TAS2R1: variants seen among roughly 807,000 people sequenced by gnomAD.
TAS2R1 encodes the protein taste receptor type 2 member 1.
For missense variants in TAS2R1, 370 were observed against 353.4 expected (o/e 1.05, Z -0.38); for synonymous variants, 141 against 134.2 (o/e 1.05, Z -0.35).
At chr5:9,885,524 T>C in the TAS2R1 span, among the ~76,000 whole-genome samples, 1 of 152,218 alleles carries the variant, frequency 6.6e-6, no homozygotes, top group South Asian at 2.1e-4. Flanking sequence ...ATCAAACATT[T>C]TTCAGTTATG....
chr5:9,758,727 C>T, the TAS2R1 span, among the ~76,000 whole-genome samples: 1 of 152,144 alleles, frequency 6.6e-6, no homozygotes. Context: ...CTTCTACAGC[C>T]ACTTGGAACT....
chr5:9,868,673 T>C, the TAS2R1 span, among the ~76,000 whole-genome samples: 1 of 152,234 alleles, frequency 6.6e-6, no homozygotes, highest in African/African-American at 2.4e-5. Context: ...TTTATGCAAA[T>C]TTTTGCAGGT....
At chr5:9,740,918 T>G in the TAS2R1 span, among the ~76,000 whole-genome samples, 1 of 152,224 alleles carries the variant, frequency 6.6e-6, no homozygotes, top group South Asian at 2.1e-4. Context: ...ATCTGAGTAA[T>G]TAGTTCTTTT....
intron 1 of TAS2R1, among the ~76,000 whole-genome samples, chr5:9,696,874 GT>G (rs1160775297): frequency 1.7e-4 from 26 of 152,058 alleles, no homozygotes; most frequent in Non-Finnish European, 3.4e-4. Context: ...TTAGCCAGCC[GT>G]GGTGGCACAT....
the TAS2R1 span, among the ~76,000 whole-genome samples, chr5:9,752,867 AG>A: frequency 6.6e-6 from 1 of 152,182 alleles, no homozygotes; most frequent in Non-Finnish European, 1.5e-5. Context: ...GTCCCTACAA[AG>A]GACATGAACT....
chr5:9,830,177 T>TTGGATGGATGGA, the TAS2R1 span, among the ~76,000 whole-genome samples: 2,317 of 132,576 alleles, frequency 0.017, 44 homozygotes, highest in East Asian at 0.074. Context: ...AGAGAACAGA[T>TTGGATGGATGGA]TGGATGGATG....
chr5:9,870,715 G>A, the TAS2R1 span, among the ~76,000 whole-genome samples: 1 of 152,128 alleles, frequency 6.6e-6, no homozygotes, highest in Non-Finnish European at 1.5e-5. Flanking sequence ...GCCCCCAAAA[G>A]GGTAAGTAGT....
chr5:9,903,414 G>GT, the TAS2R1 span: 1 of 151,992 alleles, frequency 6.6e-6, no homozygotes, highest in Non-Finnish European at 1.5e-5. Flanking sequence ...TGAGATTCTG[G>GT]TGCAGCCATC....
At chr5:9,693,630 TTAAA>T (rs1353618036) in intron 1 of TAS2R1, among the ~76,000 whole-genome samples, 2 of 151,730 alleles carry the variant, frequency 1.3e-5, no homozygotes, top group Non-Finnish European at 2.9e-5. Flanking sequence ...GTTTTTTTTT[TTAAA>T]TAAAGAGGCA....
the TAS2R1 span, among the ~76,000 whole-genome samples, chr5:9,757,265 T>C: frequency 4.6e-5 from 7 of 152,220 alleles, no homozygotes; most frequent in Admixed American, 4.6e-4. Context: ...ACAAATTGAC[T>C]TTTATATTAG....
chr5:9,794,484 T>C, the TAS2R1 span, among the ~76,000 whole-genome samples: 6 of 152,214 alleles, frequency 3.9e-5, no homozygotes, highest in African/African-American at 1.4e-4. Flanking sequence ...ATTGATGAGT[T>C]AATCAACAAA....
chr5:9,713,663 A>G (rs1281004552), upstream of TAS2R1: 1 of 152,216 alleles, frequency 6.6e-6, no homozygotes, highest in Admixed American at 6.5e-5. Context: ...TTGTAGTTTA[A>G]TAACTGAAGT....
the TAS2R1 span, among the ~76,000 whole-genome samples, chr5:9,816,132 G>A: frequency 1.3e-5 from 2 of 152,116 alleles, no homozygotes; most frequent in Admixed American, 1.3e-4. Flanking sequence ...ATAAAATCAT[G>A]AGTTTCCATT....
At chr5:9,733,779 T>C in the TAS2R1 span, among the ~76,000 whole-genome samples, 4 of 152,008 alleles carry the variant, frequency 2.6e-5, no homozygotes, top group East Asian at 3.9e-4. Flanking sequence ...CAAGTAGCAA[T>C]TGGGCTCAGG....
intron 2 of TAS2R1, among the ~76,000 whole-genome samples, chr5:9,639,000 C>T (rs1383652779): frequency 1.3e-5 from 2 of 152,174 alleles, no homozygotes; most frequent in African/African-American, 2.4e-5. Flanking sequence ...AGACCATGCG[C>T]ACCCCACTGG....
chr5:9,780,673 A>ATATGTGTG, the TAS2R1 span, among the ~76,000 whole-genome samples: 2 of 151,508 alleles, frequency 1.3e-5, no homozygotes, highest in African/African-American at 4.8e-5. Flanking sequence ...AACTAACAGA[A>ATATGTGTG]TGTGTGTGTG....
the TAS2R1 span, among the ~76,000 whole-genome samples, chr5:9,791,005 G>A: frequency 1.3e-5 from 2 of 152,176 alleles, no homozygotes; most frequent in Admixed American, 1.3e-4. Flanking sequence ...AGCATGGTCT[G>A]TGGCCCAGCA....
chr5:9,824,141 T>A, the TAS2R1 span, among the ~76,000 whole-genome samples: 1 of 152,112 alleles, frequency 6.6e-6, no homozygotes, highest in African/African-American at 2.4e-5. Context: ...TCCTTCCCGC[T>A]CTCCCACCAG....
the TAS2R1 span, among the ~76,000 whole-genome samples, chr5:9,831,835 C>T: frequency 1.3e-5 from 2 of 152,028 alleles, no homozygotes; most frequent in Admixed American, 6.6e-5. Context: ...CTGAAAAGGT[C>T]GTTAGGTCTT....
Sources: allele counts gnomAD v4.1 joint callset (sites outside exome capture counted in the v4.1 genomes callset), GRCh38; gene constraint gnomAD v4.1.1; transcripts MANE v1.5; gene names NCBI Gene and HGNC (gene_info 2026-07-23, HGNC 2026-07-21).